DAPK1: variants seen among roughly 807,000 people sequenced by gnomAD.
DAPK1 encodes the protein death-associated protein kinase 1.
DAPK1 carries 56 observed loss-of-function variants against 144.9 expected under a neutral mutation model. The observed-to-expected ratio is 0.39, with a 90% CI of 0.31 to 0.48. DAPK1 has a LOEUF of 0.48. Ranked by LOEUF, DAPK1 falls within the 20% of genes least tolerant of loss-of-function variation. The pLI, the probability that DAPK1 is intolerant of heterozygous loss-of-function variation, is 0.95. For synonymous variants in DAPK1, 690 were observed against 749.0 expected (o/e 0.92, Z 1.29); for missense variants, 1,454 against 1,875.4 (o/e 0.78, Z 4.15).
In DAPK1 at chr9:87,525,547, A is replaced by G; in HGVS notation, c.62+26408A>G. On this transcript the variant is annotated intron_variant, in intron 2 of 25. Coordinates refer to ENST00000408954, the MANE Select transcript of DAPK1 (RefSeq NM_004938.4). ...ACCATGATAGTTCTTTGTACATAAA[A>G]TAAACATTTGAAAAAACAACAACAA... 2.0e-6 allele frequency: 2 copies of G among 979,930 alleles called. 1 individual carries two copies. The highest frequency in any genetic ancestry group is 3.2e-5 in the African/African-American group (2 of 62,124). 60.7% of individuals were successfully genotyped at this position (979,930 alleles called of 1,614,324 possible).
rs184097184 is a variant in DAPK1, at chr9:87,565,974, G to A, written c.63-38980G>A. On this transcript the variant is annotated intron_variant, in intron 2 of 25. Transcript: ENST00000408954. ...CTTGCCTGAGGTCACACAGCATTTAGTGGCAGTGCTGAGATTTGAACCTTT... is the reference window on the plus strand; with the variant it reads ...CTTGCCTGAGGTCACACAGCATTTAATGGCAGTGCTGAGATTTGAACCTTT... 2.5e-3 allele frequency among the ~76,000 whole-genome samples: 384 copies of A among 151,450 alleles called. 3 individuals are homozygous for A. Among genetic ancestry groups the A allele is most frequent in the African/African-American group, 9.0e-3 (373 of 41,262 alleles).
At chr9:87,526,441 A>C (rs1365548391) in intron 2 of DAPK1, among the ~76,000 whole-genome samples, 1 of 152,170 alleles carries the variant, frequency 6.6e-6, no homozygotes, top group African/African-American at 2.4e-5. Flanking sequence ...GGCTAGCATC[A>C]CACATTTGTA....
At chr9:87,672,587 G>A (rs763900629) in intron 19 of DAPK1, among the ~76,000 whole-genome samples, 18 of 152,162 alleles carry the variant, frequency 1.2e-4, no homozygotes, top group Non-Finnish European at 2.4e-4. Context: ...GAATCTTCTA[G>A]ATGCTGTGTT....
intron 2 of DAPK1, among the ~76,000 whole-genome samples, chr9:87,556,329 ACTTTG>A (rs1826713839): frequency 6.6e-6 from 1 of 152,236 alleles, no homozygotes; most frequent in Non-Finnish European, 1.5e-5. Context: ...GAGGCAAGGT[ACTTTG>A]CCCAAGCTTC....
At chr9:87,597,225 G>A (rs1459675254) in intron 2 of DAPK1, among the ~76,000 whole-genome samples, 1 of 152,208 alleles carries the variant, frequency 6.6e-6, no homozygotes, top group African/African-American at 2.4e-5. Context: ...TCACACTCAA[G>A]AGAGCATGTG....
chr9:87,675,261 T>G (rs1824321256), intron 19 of DAPK1, among the ~76,000 whole-genome samples: 1 of 151,212 alleles, frequency 6.6e-6, no homozygotes, highest in African/African-American at 2.4e-5. Context: ...CAGGATGAAG[T>G]GAGATGAGAG....
chr9:87,525,134 G>C (rs545663665), intron 2 of DAPK1, among the ~76,000 whole-genome samples: 1 of 152,328 alleles, frequency 6.6e-6, no homozygotes, highest in Admixed American at 6.5e-5. Flanking sequence ...AGGAGCCTGT[G>C]GATGACCCTG....
At chr9:87,662,718 T>G (rs1830907816) in intron 18 of DAPK1, among the ~76,000 whole-genome samples, 1 of 151,946 alleles carries the variant, frequency 6.6e-6, no homozygotes, top group Admixed American at 6.6e-5. Context: ...AACTCAGAAT[T>G]TTTTGGTGAC....
chr9:87,683,089 T>TTTA (rs1564068853), intron 20 of DAPK1, among the ~76,000 whole-genome samples: 34 of 54,346 alleles, frequency 6.3e-4, no homozygotes, highest in East Asian at 1.3e-3. Context: ...TTATTTATTT[T>TTTA]TTTTTTTTTT....
In DAPK1 at chr9:87,643,512, G is replaced by A. The variant is rs1414780872; in HGVS notation, c.1011+44G>A. 5 of 1,219,666 alleles carry A rather than the reference G, an allele frequency of 4.1e-6. No individual in the cohort carries two copies. The East Asian group carries it at 9.3e-5, about 23-fold the overall frequency. 75.6% of individuals were successfully genotyped at this position (1,219,666 alleles called of 1,614,324 possible). On this transcript the variant is annotated intron_variant, in intron 11 of 25. Coordinates refer to ENST00000408954, the MANE Select transcript of DAPK1 (RefSeq NM_004938.4). The stretch of plus-strand genomic sequence containing the variant: ...CCTGGTGCTCCTTTCTTAGCACTGG[G>A]TACTCAGAATGACCAAGCTGTTCTA...
chr9:87,620,655 G>A (rs1179050524), intron 3 of DAPK1, among the ~76,000 whole-genome samples: 1 of 151,894 alleles, frequency 6.6e-6, no homozygotes, highest in Non-Finnish European at 1.5e-5. Flanking sequence ...CTGGGAGTAG[G>A]ACAGGTAGGA....
chr9:87,577,994 G>T (rs974382368), intron 2 of DAPK1, among the ~76,000 whole-genome samples: 2 of 152,098 alleles, frequency 1.3e-5, no homozygotes, highest in African/African-American at 4.8e-5. Context: ...GGCGCGAGAA[G>T]CTACCCACAG....
rs1825684596 is a variant in DAPK1 at position 87,707,488 on chromosome 9, C to T, written c.*124C>T. On this transcript the variant is annotated 3_prime_UTR_variant, in exon 26 of 26. Coordinates refer to ENST00000408954, the MANE Select transcript of DAPK1 (RefSeq NM_004938.4). This position sits in a 1 kb window ranked among gnomAD's most constrained non-coding sequence, Gnocchi z 4.0. ...TGCACCCACAGCCAGGGGGATGCCA[C>T]TCCTCCCTCCGGCTTGACCTGTTTC... is the stretch of plus-strand genomic sequence containing the variant. The T allele has an allele frequency of 1.5e-6, 1 of 650,690 alleles. No homozygotes were observed. The highest frequency in any genetic ancestry group is 2.0e-5 in the South Asian group (1 of 51,230). The allele number at this position is 650,690 out of a possible 1,614,324, so 40.3% of individuals were successfully genotyped here.
intron 3 of DAPK1, among the ~76,000 whole-genome samples, chr9:87,606,511 CTCCT>C (rs150731534): frequency 0.021 from 2,602 of 124,660 alleles, 73 homozygotes; most frequent in East Asian, 0.055. Flanking sequence ...CCCTCCCTCT[CTCCT>C]TCCTTCCTTC....
chr9:87,581,313 G>A (rs755640621), intron 2 of DAPK1, among the ~76,000 whole-genome samples: 4 of 151,962 alleles, frequency 2.6e-5, no homozygotes, highest in South Asian at 2.1e-4. Flanking sequence ...CTGGCTAGGC[G>A]TTACCCTTGA....
At chr9:87,557,311 T>C (rs1826754583) in intron 2 of DAPK1, among the ~76,000 whole-genome samples, 1 of 152,206 alleles carries the variant, frequency 6.6e-6, no homozygotes, top group South Asian at 2.1e-4. Flanking sequence ...CATGGCCCTG[T>C]CAGGGGAGAC....
chr9:87,573,686 C>T (rs1381214817), intron 2 of DAPK1, among the ~76,000 whole-genome samples: 2 of 152,312 alleles, frequency 1.3e-5, no homozygotes, highest in Non-Finnish European at 2.9e-5. Flanking sequence ...CACCTCAGGA[C>T]TCTGATCTTG....
intron 2 of DAPK1, chr9:87,525,392 C>G: frequency 6.2e-7 from 1 of 1,611,430 alleles, no homozygotes; most frequent in Non-Finnish European, 8.5e-7. Flanking sequence ...CCGGCACGGT[C>G]TGATCCGGAA....
At chr9:87,648,026 C>A (rs890971712) in intron 14 of DAPK1, among the ~76,000 whole-genome samples, 2 of 152,242 alleles carry the variant, frequency 1.3e-5, no homozygotes, top group Non-Finnish European at 2.9e-5. Context: ...TACAATACTT[C>A]TCTGCTTCCA....
Sources: gnomAD v4.1 joint callset for allele counts (sites outside exome capture counted in the v4.1 genomes callset) on GRCh38, gnomAD v4.1.1 for gene constraint, Gnocchi (gnomAD v3.1) non-coding constraint, MANE v1.5 for transcripts, NCBI Gene and HGNC (gene_info 2026-07-23, HGNC 2026-07-21) for gene names.